Variants in CASZ1 observed in about 807,000 individuals in gnomAD.
CASZ1 encodes castor zinc finger 1.
Under a neutral mutation model 135.2 loss-of-function variants are expected in CASZ1, and 28 were observed. The ratio of observed to expected loss-of-function variants is 0.21; its 90% CI spans 0.15 to 0.28. The LOEUF is 0.28. Among genes scored for constraint, CASZ1 ranks in the 10% least tolerant of loss-of-function variants. The pLI is 1.00. For missense variants in CASZ1, 2,161 were observed against 2,453.3 expected, an observed-to-expected ratio of 0.88 and a Z score of 2.52; for synonymous variants, 1,068 against 1,073.4, an observed-to-expected ratio of 0.99 and a Z score of 0.10.
intron 5 of CASZ1, among the ~76,000 whole-genome samples, chr1:10,661,763 C>T (rs1643036593): frequency 6.6e-6 from 1 of 151,596 alleles, no homozygotes; most frequent in African/African-American, 2.4e-5. Flanking sequence ...TACTCTCACC[C>T]ACAGTCACAT....
intron 6 of CASZ1, 81 bp downstream of exon 6, chr1:10,659,621 C>T (rs987240897): frequency 1.2e-5 from 14 of 1,155,076 alleles, no homozygotes; most frequent in Admixed American, 1.8e-5. Flanking sequence ...TCCTCAAGCA[C>T]GGGCAACCCT....
At chr1:10,656,829 C>T in intron 7 of CASZ1, 93 bp from the exon 8 acceptor site, 2 of 795,192 alleles carry the variant, frequency 2.5e-6, no homozygotes, top group South Asian at 3.0e-5. Context: ...TCTTCGGGCC[C>T]TGTATGGGAT....
intron 2 of CASZ1, among the ~76,000 whole-genome samples, chr1:10,728,716 CTG>C (rs1445062757): frequency 6.6e-6 from 1 of 151,772 alleles, no homozygotes; most frequent in East Asian, 1.9e-4. Flanking sequence ...GTTGCCAACT[CTG>C]TGTGTTGTTG....
In CASZ1 at chr1:10,765,537, G is replaced by A. The variant is rs76068923; in HGVS notation, c.-233-4680C>T. Among the ~76,000 whole-genome samples, 625 of 152,220 alleles carry A rather than the reference G, an allele frequency of 4.1e-3. 4 individuals carry two copies. Among genetic ancestry groups the A allele is most frequent in the African/African-American group, 0.014 (593 of 41,540 alleles). On this transcript the variant is annotated intron_variant, in intron 1 of 20. Coordinates refer to ENST00000377022, the MANE Select transcript of CASZ1 (RefSeq NM_001079843.3). Reference sequence around the variant, plus strand: ...ACGCCCAACGCAGCAGGTATTCGACGGTACACAAACAGGGCAGACACATAC... The same window carrying A: ...ACGCCCAACGCAGCAGGTATTCGACAGTACACAAACAGGGCAGACACATAC...
At chr1:10,723,147 C>A (rs1639533285) in intron 2 of CASZ1, among the ~76,000 whole-genome samples, 1 of 152,250 alleles carries the variant, frequency 6.6e-6, no homozygotes. Context: ...AGTGCCCTGG[C>A]TGTAAACCGG....
chr1:10,795,281 G>A (rs1388285365), intron 1 of CASZ1, among the ~76,000 whole-genome samples: 1 of 152,110 alleles, frequency 6.6e-6, no homozygotes, highest in Non-Finnish European at 1.5e-5. Context: ...CGTTAAGCCG[G>A]ACCCTAAGTG....
rs1178986345 is a variant in CASZ1 at position 10,655,811 on chromosome 1, C to T, written c.1503G>A (p.Arg501=). 1.9e-6 allele frequency: 3 copies of T among 1,613,454 alleles called. No homozygotes were observed. Among genetic ancestry groups the T allele is most frequent in the East Asian group, 2.2e-5 (1 of 44,856 alleles). Residue 501 remains arginine (R), a splice_region_variant and synonymous_variant, in exon 9 of 21, where the codon AGG becomes AGA. Transcript: ENST00000377022. Reference sequence around the variant, plus strand: ...GGATCACGTCCTGCTTACTCGTGAACCTCTGCCAGGAGACAGCGCCACGTG... The same window carrying T: ...GGATCACGTCCTGCTTACTCGTGAATCTCTGCCAGGAGACAGCGCCACGTG... ...HCLDPECNYQ[R]FTSKQDVIRH...
At chr1:10,783,248 TGTGTGTG>T (rs1156977580) in intron 1 of CASZ1, among the ~76,000 whole-genome samples, 7 of 7,242 alleles carry the variant, frequency 9.7e-4, no homozygotes, top group Non-Finnish European at 6.6e-3. Context: ...AGTGGAGAAG[TGTGTGTG>T]TGTGTGTGTG....
chr1:10,770,421 T>C (rs1247695835), intron 1 of CASZ1, among the ~76,000 whole-genome samples: 2 of 152,194 alleles, frequency 1.3e-5, no homozygotes, highest in African/African-American at 4.8e-5. Context: ...TATTTTTCAA[T>C]GCACATGAGC....
chr1:10,711,631 G>A lies in CASZ1; in HGVS notation c.-76-6087C>T, dbSNP rs953251704. Among the ~76,000 whole-genome samples, 3 of 151,506 alleles carry A rather than the reference G, an allele frequency of 2.0e-5. No individual in the cohort carries two copies. The highest frequency in any genetic ancestry group is 7.3e-5 in the African/African-American group (3 of 41,252). ...AACAAACAAAACCTTGTGCATGAAT[G>A]TTCATAGCAGCACTATTCACAGTAG... On this transcript the variant is annotated intron_variant, in intron 2 of 20. Transcript: ENST00000377022. The surrounding 1 kb of genome is among the most constrained non-coding windows in gnomAD (Gnocchi z 4.4).
intron 2 of CASZ1, among the ~76,000 whole-genome samples, chr1:10,723,869 T>C (rs1053405948): frequency 2.0e-5 from 3 of 152,120 alleles, no homozygotes; most frequent in African/African-American, 7.2e-5. Flanking sequence ...TCAGGTGGCC[T>C]CCCCAGTTCA....
At position 10,653,663 on chromosome 1, in the gene CASZ1, G is replaced by T; in HGVS notation, c.2394C>A (p.Pro798=). 1 of 1,556,792 alleles carries T rather than the reference G, an allele frequency of 6.4e-7. No individual in the cohort carries two copies. The highest frequency in any genetic ancestry group is 8.7e-7 in the Non-Finnish European group (1 of 1,151,540). The part of the protein sequence containing the change: ...LALSNSGLPT[P]TPYFPILAGR... ...CAGCCAGTATGGGGAAGTAGGGCGTGGGGGTGGGCAGGCCCGAGTTGGAGA... is the reference window on the plus strand; with the variant it reads ...CAGCCAGTATGGGGAAGTAGGGCGTTGGGGTGGGCAGGCCCGAGTTGGAGA... The change falls in exon 11 of 21, where the codon CCC becomes CCA. Residue 798 remains proline, a synonymous_variant. Transcript: ENST00000377022.
intron 1 of CASZ1, among the ~76,000 whole-genome samples, chr1:10,782,993 A>AC (rs1240778594): frequency 3.3e-5 from 5 of 152,258 alleles, no homozygotes; most frequent in African/African-American, 1.2e-4. Flanking sequence ...GCTCCAATCC[A>AC]TTTGGAACTC....
Position 10,639,432 on chromosome 1 carries a change from T to G in CASZ1, c.4790A>C (p.Lys1597Thr), listed in dbSNP as rs1460479182. The part of the protein sequence containing the change: ...QMDSHKRKHE[K>T]QERGEPAAEG... ...TGCCGCGGGCTCGCCGCGCTCCTGCTTCTCGTGCTTGCGCTTGTGCGAGTC... is the reference window on the plus strand; with the variant it reads ...TGCCGCGGGCTCGCCGCGCTCCTGCGTCTCGTGCTTGCGCTTGTGCGAGTC... Residue 1597 changes from lysine (K) to threonine (T), a missense_variant, in exon 21 of 21, where the codon AAG becomes ACG. Lys to Thr is a moderately conservative substitution (Grantham distance 78). Coordinates refer to ENST00000377022, the MANE Select transcript of CASZ1 (RefSeq NM_001079843.3). The surrounding 1 kb of genome is among the most constrained non-coding windows in gnomAD (Gnocchi z 4.0). 6.3e-7 allele frequency: 1 copy of G among 1,578,220 alleles called. No homozygotes were observed. The highest frequency in any genetic ancestry group is 1.3e-5 in the African/African-American group (1 of 74,352).
chr1:10,754,593 C>T (rs1640211675), intron 2 of CASZ1, among the ~76,000 whole-genome samples: 1 of 152,200 alleles, frequency 6.6e-6, no homozygotes, highest in African/African-American at 2.4e-5. Flanking sequence ...ACACCCTCGT[C>T]CTAAGCATTT....
chr1:10,745,576 A>G (rs1640024749), intron 2 of CASZ1, among the ~76,000 whole-genome samples: 2 of 152,172 alleles, frequency 1.3e-5, no homozygotes, highest in South Asian at 4.1e-4. Context: ...TCCTGCTGTC[A>G]GTGTTGTGAA....
chr1:10,744,377 G>A (rs928269906), intron 2 of CASZ1, among the ~76,000 whole-genome samples: 9 of 147,840 alleles, frequency 6.1e-5, no homozygotes, highest in Non-Finnish European at 8.9e-5. Flanking sequence ...TGGGCACCAC[G>A]AGCAGGCATG....
chr1:10,697,860 G>A lies in CASZ1; in HGVS notation c.-23-3948C>T, dbSNP rs921946154. Among the ~76,000 whole-genome samples the A allele has an allele frequency of 2.0e-5, 3 of 152,366 alleles. No homozygotes were observed. The highest frequency in any genetic ancestry group is 4.4e-5 in the Non-Finnish European group (3 of 68,042). ...CGTGTGCCTGCGAACAAGCATGTTC[G>A]CACCTGCGAGGGAGTCCGTGTGTTT... On this transcript the variant is annotated intron_variant, in intron 3 of 20. Coordinates refer to ENST00000377022, the MANE Select transcript of CASZ1 (RefSeq NM_001079843.3). This position sits in a 1 kb window ranked among gnomAD's most constrained non-coding sequence, Gnocchi z 4.7.
At chr1:10,659,643 A>C (rs1465155520) in intron 6 of CASZ1, 59 bp downstream of exon 6, 9 of 1,368,218 alleles carry the variant, frequency 6.6e-6, no homozygotes, top group Non-Finnish European at 9.4e-6. Flanking sequence ...GTGAGGAAGG[A>C]GGCCTCCTGT....
Sources: allele counts gnomAD v4.1 joint callset (sites outside exome capture counted in the v4.1 genomes callset), GRCh38; gene constraint gnomAD v4.1.1; non-coding constraint Gnocchi (gnomAD v3.1); transcripts MANE v1.5; gene names NCBI Gene and HGNC (gene_info 2026-07-23, HGNC 2026-07-21).